EPB41L2: variants seen among roughly 807,000 people sequenced by gnomAD.
EPB41L2 encodes band 4.1-like protein 2.
EPB41L2 carries 43 observed loss-of-function variants against 113.0 expected under a neutral mutation model. That is an observed-to-expected ratio of 0.38 (90% CI 0.30 to 0.49). EPB41L2 has a LOEUF of 0.49. EPB41L2 is among the 20% of genes least tolerant of loss of function. The probability of loss-of-function intolerance (pLI) is 0.95; values close to 1 mark genes in which losing one functional copy is unlikely to be tolerated. For synonymous variants in EPB41L2, 442 were observed against 436.7 expected (o/e 1.01, Z -0.15); for missense variants, 1,147 against 1,223.4 (o/e 0.94, Z 0.93).
At chr6:130,855,065 G>C (rs1337861640) in intron 19 of EPB41L2, among the ~76,000 whole-genome samples, 1 of 151,366 alleles carries the variant, frequency 6.6e-6, no homozygotes, top group East Asian at 2.0e-4. Context: ...AAACCATTAG[G>C]GGGCCAGGCA....
At chr6:131,059,519 G>C (rs1288981418) in intron 1 of EPB41L2, among the ~76,000 whole-genome samples, 1 of 146,942 alleles carries the variant, frequency 6.8e-6, no homozygotes, top group Non-Finnish European at 1.5e-5. Context: ...CACTGCCCAC[G>C]CAGAGAAATG....
At chr6:130,882,211 C>G (rs1789547973) in intron 12 of EPB41L2, 1 of 152,206 alleles carries the variant, frequency 6.6e-6, no homozygotes, top group Non-Finnish European at 1.5e-5. Flanking sequence ...CAGGTTCCCT[C>G]CTCCTTCCCT....
chr6:131,017,365 G>T (rs1328547591), intron 1 of EPB41L2, among the ~76,000 whole-genome samples: 1 of 152,106 alleles, frequency 6.6e-6, no homozygotes, highest in Non-Finnish European at 1.5e-5. Context: ...ATTCACTGAT[G>T]AGTAGAAATC....
intron 16 of EPB41L2, chr6:130,865,849 G>A (rs963695760): frequency 6.1e-5 from 32 of 525,500 alleles, no homozygotes; most frequent in Non-Finnish European, 1.0e-4. Context: ...TGTGTGAGTG[G>A]AGAAAAGAGA....
intron 5 of EPB41L2, among the ~76,000 whole-genome samples, chr6:130,904,882 C>T (rs1797264796): frequency 6.6e-6 from 1 of 150,608 alleles, no homozygotes; most frequent in Non-Finnish European, 1.5e-5. Context: ...TTCAATTTAA[C>T]CACAGGATCT....
At chr6:130,967,022 C>T (rs1775402175) in intron 1 of EPB41L2, among the ~76,000 whole-genome samples, 1 of 152,162 alleles carries the variant, frequency 6.6e-6, no homozygotes, top group Non-Finnish European at 1.5e-5. Context: ...AGTTTAAGCT[C>T]AACACCCAAG....
intron 1 of EPB41L2, chr6:130,978,861 C>T (rs557465507): frequency 5.9e-5 from 9 of 152,326 alleles, no homozygotes; most frequent in African/African-American, 2.2e-4. Context: ...CGAGGTGACA[C>T]TTGACCTGAC....
intron 3 of EPB41L2, among the ~76,000 whole-genome samples, chr6:130,954,040 C>CTTTCTTTCT (rs1816373036): frequency 6.8e-5 from 4 of 58,862 alleles, no homozygotes; most frequent in African/African-American, 1.6e-4. Context: ...CCTTTTCTTT[C>CTTTCTTTCT]TTTTTTTTTT....
intron 1 of EPB41L2, among the ~76,000 whole-genome samples, chr6:131,021,522 G>A (rs948209024): frequency 3.3e-5 from 5 of 152,046 alleles, no homozygotes; most frequent in Admixed American, 6.5e-5. Context: ...TTAGGCAGGC[G>A]TGGTGGCAGG....
intron 1 of EPB41L2, among the ~76,000 whole-genome samples, chr6:130,989,991 G>A (rs940314741): frequency 1.3e-5 from 2 of 152,140 alleles, no homozygotes; most frequent in Non-Finnish European, 2.9e-5. Flanking sequence ...TTTAGACTGG[G>A]TAACAACAAC....
chr6:130,999,086 G>A (rs959875117), intron 1 of EPB41L2, among the ~76,000 whole-genome samples: 3 of 151,854 alleles, frequency 2.0e-5, no homozygotes, highest in East Asian at 1.9e-4. Context: ...CCATAATGAC[G>A]AGCACCACCG....
At chr6:130,920,729 C>G (rs960659197) in intron 4 of EPB41L2, among the ~76,000 whole-genome samples, 10 of 152,024 alleles carry the variant, frequency 6.6e-5, no homozygotes, top group African/African-American at 2.4e-5. Context: ...AGGCTGGTCT[C>G]AAATTCCAGG....
intron 1 of EPB41L2, among the ~76,000 whole-genome samples, chr6:131,038,951 A>G (rs984175413): frequency 1.3e-5 from 2 of 152,236 alleles, no homozygotes; most frequent in African/African-American, 4.8e-5. Flanking sequence ...TACATTAAGA[A>G]AAGAAAAGTC....
chr6:130,866,359 G>A (rs893073570), intron 16 of EPB41L2, among the ~76,000 whole-genome samples: 1 of 152,282 alleles, frequency 6.6e-6, no homozygotes, highest in East Asian at 1.9e-4. Flanking sequence ...TTAAGATCAC[G>A]AAACATATTT....
At chr6:130,847,356 G>A (rs1341228607) in intron 19 of EPB41L2, among the ~76,000 whole-genome samples, 1 of 152,094 alleles carries the variant, frequency 6.6e-6, no homozygotes, top group African/African-American at 2.4e-5. Flanking sequence ...CTATTTTTGT[G>A]CCCTGAACAT....
intron 16 of EPB41L2, among the ~76,000 whole-genome samples, chr6:130,866,216 C>A (rs867440480): frequency 8.5e-5 from 13 of 152,090 alleles, no homozygotes; most frequent in African/African-American, 2.9e-4. Flanking sequence ...CGCATGTGCT[C>A]CTACATATAT....
chr6:130,977,994 G>A (rs1235061571), intron 1 of EPB41L2, among the ~76,000 whole-genome samples: 1 of 152,170 alleles, frequency 6.6e-6, no homozygotes, highest in Non-Finnish European at 1.5e-5. Context: ...AAACATTAAT[G>A]TATAATAATT....
chr6:130,941,711 A>G (rs1352835756), intron 3 of EPB41L2, among the ~76,000 whole-genome samples: 2 of 152,214 alleles, frequency 1.3e-5, no homozygotes, highest in Non-Finnish European at 2.9e-5. Flanking sequence ...CTCTGTGCAA[A>G]TAACCAGACT....
chr6:131,014,551 T>C (rs565516719), intron 1 of EPB41L2, among the ~76,000 whole-genome samples: 2 of 152,280 alleles, frequency 1.3e-5, no homozygotes, highest in South Asian at 2.1e-4. Flanking sequence ...CCACAATTCA[T>C]AGATTGTGTA....
Sources: allele counts gnomAD v4.1 joint callset (sites outside exome capture counted in the v4.1 genomes callset), GRCh38; gene constraint gnomAD v4.1.1; transcripts MANE v1.5; gene names NCBI Gene and HGNC (gene_info 2026-07-23, HGNC 2026-07-21).